Variants in CPB2 observed in about 807,000 individuals in gnomAD.
The protein encoded by CPB2 is carboxypeptidase B-like protein.
Under a neutral mutation model 57.0 loss-of-function variants are expected in CPB2, and 54 were observed. The observed-to-expected ratio is 0.95, with a 90% CI of 0.76 to 1.19. The LOEUF is 1.19. CPB2 is among the 50% of genes most tolerant of loss of function. The pLI, the probability that CPB2 is intolerant of heterozygous loss-of-function variation, is 0.00. For missense variants in CPB2, 426 were observed against 512.0 expected (o/e 0.83, Z 1.62); for synonymous variants, 189 against 178.1 (o/e 1.06, Z -0.49).
At chr13:46,096,802 T>A (rs747343885) in intron 1 of CPB2, among the ~76,000 whole-genome samples, 1 of 150,280 alleles carries the variant, frequency 6.7e-6, no homozygotes, top group Non-Finnish European at 1.5e-5. Context: ...AAAAGTGAAG[T>A]GGTGCTGCAT....
chr13:46,060,810 T>G (rs539224930), intron 8 of CPB2, among the ~76,000 whole-genome samples: 1 of 152,142 alleles, frequency 6.6e-6, no homozygotes, highest in African/African-American at 2.4e-5. Flanking sequence ...AGGTCGAGAC[T>G]CTGCTTTACC....
chr13:46,092,668 C>T (rs2045309960), intron 1 of CPB2, among the ~76,000 whole-genome samples: 1 of 152,104 alleles, frequency 6.6e-6, no homozygotes, highest in Non-Finnish European at 1.5e-5. Flanking sequence ...AGATAAAGGG[C>T]ATTTTTGGAA....
At chr13:46,067,286 C>T in intron 7 of CPB2, 21 bp downstream of exon 7, 1 of 1,211,772 alleles carries the variant, frequency 8.3e-7, no homozygotes, top group Non-Finnish European at 1.2e-6. Context: ...CATGATTTGT[C>T]TTCTTTGCCT....
At chr13:46,066,198 A>G (rs1044868799) in intron 7 of CPB2, among the ~76,000 whole-genome samples, 11 of 152,174 alleles carry the variant, frequency 7.2e-5, no homozygotes, top group African/African-American at 1.7e-4. Context: ...GTGCTACTCA[A>G]GTAGGTTTTT....
intron 2 of CPB2, 46 bp from the exon 3 acceptor site, chr13:46,084,389 C>G (rs762665450): frequency 1.2e-6 from 2 of 1,606,312 alleles, no homozygotes; most frequent in Non-Finnish European, 1.7e-6. Flanking sequence ...AAGAGTTGTT[C>G]ACATCATTCT....
chr13:46,071,794 C>T (rs952254028), intron 6 of CPB2, among the ~76,000 whole-genome samples: 1 of 152,128 alleles, frequency 6.6e-6, no homozygotes, highest in African/African-American at 2.4e-5. Context: ...GAAGGAGCCA[C>T]CAGGGAGCAG....
intron 2 of CPB2, among the ~76,000 whole-genome samples, chr13:46,087,329 T>C (rs1303871681): frequency 6.6e-6 from 1 of 152,246 alleles, no homozygotes; most frequent in African/African-American, 2.4e-5. Flanking sequence ...CCATTAATAT[T>C]CTGTAATTCT....
intron 1 of CPB2, among the ~76,000 whole-genome samples, chr13:46,092,598 A>G (rs1046400047): frequency 6.6e-6 from 1 of 152,220 alleles, no homozygotes; most frequent in African/African-American, 2.4e-5. Context: ...CAAAGGCTTC[A>G]TAGAAGGGAT....
intron 7 of CPB2, 87 bp downstream of exon 7, chr13:46,067,220 T>C (rs2044870143): frequency 3.2e-6 from 2 of 633,700 alleles, no homozygotes; most frequent in African/African-American, 3.8e-5. Flanking sequence ...CCATTGTGCC[T>C]AGATCCAGAA....
chr13:46,075,148 A>G (rs1394116268), intron 5 of CPB2, among the ~76,000 whole-genome samples: 1 of 152,248 alleles, frequency 6.6e-6, no homozygotes, highest in Non-Finnish European at 1.5e-5. Flanking sequence ...TTAGATTGTC[A>G]TTTGAACCAC....
At chr13:46,069,643 G>A (rs1286804774) in intron 6 of CPB2, among the ~76,000 whole-genome samples, 2 of 152,124 alleles carry the variant, frequency 1.3e-5, no homozygotes, top group African/African-American at 4.8e-5. Flanking sequence ...GTATTTTCAA[G>A]ATTCATCTAT....
intron 5 of CPB2, among the ~76,000 whole-genome samples, chr13:46,078,396 T>A (rs2045056515): frequency 6.6e-6 from 1 of 152,176 alleles, no homozygotes; most frequent in Non-Finnish European, 1.5e-5. Flanking sequence ...CTTCATTTTA[T>A]GGAAATGTTA....
At chr13:46,088,583 CA>C (rs2045244881) in intron 1 of CPB2, among the ~76,000 whole-genome samples, 2 of 152,320 alleles carry the variant, frequency 1.3e-5, no homozygotes, top group African/African-American at 4.8e-5. Context: ...AGTGTCATAT[CA>C]GTCCTCAAGT....
At chr13:46,078,711 A>C in intron 5 of CPB2, 89 bp downstream of exon 5, 1 of 873,522 alleles carries the variant, frequency 1.1e-6, no homozygotes, top group Non-Finnish European at 1.9e-6. Context: ...CAGAACTCAA[A>C]GGAAACAAAC....
intron 1 of CPB2, among the ~76,000 whole-genome samples, chr13:46,090,563 C>T (rs1477446799): frequency 6.6e-6 from 1 of 151,388 alleles, no homozygotes; most frequent in Non-Finnish European, 1.5e-5. Context: ...GTGGTTTCAC[C>T]ATGTTAGTCA....
At chr13:46,069,907 T>C (rs1382754230) in intron 6 of CPB2, among the ~76,000 whole-genome samples, 1 of 152,196 alleles carries the variant, frequency 6.6e-6, no homozygotes, top group Non-Finnish European at 1.5e-5. Context: ...ACTTCCACAT[T>C]GTTTTTCAAA....
intron 9 of CPB2, among the ~76,000 whole-genome samples, chr13:46,057,046 C>T (rs2044706973): frequency 6.6e-6 from 1 of 152,044 alleles, no homozygotes; most frequent in African/African-American, 2.4e-5. Context: ...CTAACCATAA[C>T]ACATTCTCTT....
chr13:46,058,893 G>A (rs577459230), intron 8 of CPB2, among the ~76,000 whole-genome samples: 1 of 152,324 alleles, frequency 6.6e-6, no homozygotes, highest in South Asian at 2.1e-4. Context: ...TTTGTTGCCA[G>A]ACCAACGTTC....
At chr13:46,087,711 A>G (rs2045231502) in intron 2 of CPB2, 34 bp downstream of exon 2, 1 of 1,455,486 alleles carries the variant, frequency 6.9e-7, no homozygotes, top group African/African-American at 1.4e-5. Flanking sequence ...ATACAAAGTG[A>G]AACCAATATA....
Sources: gnomAD v4.1 joint callset for allele counts (sites outside exome capture counted in the v4.1 genomes callset) on GRCh38, gnomAD v4.1.1 for gene constraint, MANE v1.5 for transcripts, NCBI Gene and HGNC (gene_info 2026-07-23, HGNC 2026-07-21) for gene names.